The following SNAPC3 variants were observed in gnomAD, a reference collection of about 807,000 sequenced individuals.
SNAPC3 encodes snRNA-activating protein complex subunit 3.
Under a neutral mutation model 47.7 loss-of-function variants are expected in SNAPC3, and 56 were observed. The observed-to-expected ratio is 1.18, with a 90% confidence interval of 0.95 to 1.47. The LOEUF is 1.47. Ranked by LOEUF, SNAPC3 falls within the 40% of genes most tolerant of loss-of-function variation. The probability of loss-of-function intolerance (pLI) is 0.00; values close to 1 mark genes in which losing one functional copy is unlikely to be tolerated. For synonymous variants in SNAPC3, 235 were observed against 189.9 expected, an observed-to-expected ratio of 1.24 and a Z score of -1.95; for missense variants, 665 against 511.3, an observed-to-expected ratio of 1.30 and a Z score of -2.90.
rs756332338 is a variant in SNAPC3, at chr9:15,422,893, G to C, written c.14G>C (p.Ser5Thr). 4.6e-6 allele frequency: 7 copies of C among 1,535,252 alleles called. No homozygotes were observed. Among genetic ancestry groups the C allele is most frequent in the African/African-American group, 1.4e-5 (1 of 71,258 alleles). The change falls in exon 1 of 9, where the codon AGC (serine) becomes ACC (threonine). Residue 5 changes from serine (S) to threonine (T), a missense_variant. Transcript: ENST00000380821. Reference protein sequence around the residue: MAEGSRGGPTCSGVG... With the variant: MAEGTRGGPTCSGVG... ...AGTGGGGCGAACATGGCTGAAGGAA[G>C]CCGAGGTGGCCCTACGTGTAGCGGG...
At chr9:15,427,739 C>T (rs2031610514) in intron 2 of SNAPC3, among the ~76,000 whole-genome samples, 1 of 152,128 alleles carries the variant, frequency 6.6e-6, no homozygotes, top group Non-Finnish European at 1.5e-5. Flanking sequence ...GTTTACAGGT[C>T]CAGGATGTAC....
intron 7 of SNAPC3, among the ~76,000 whole-genome samples, chr9:15,455,808 C>T (rs2034740728): frequency 6.6e-6 from 1 of 151,318 alleles, no homozygotes; most frequent in African/African-American, 2.4e-5. Context: ...AAGCAATTCT[C>T]ATGCCTTAGC....
Position 15,426,915 on chromosome 9 carries a change from G to A in SNAPC3, c.392+2929G>A, listed in dbSNP as rs372707797. Among the ~76,000 whole-genome samples, 6 of 151,964 alleles carry A rather than the reference G, an allele frequency of 3.9e-5. No homozygotes were observed. The East Asian group carries it at 9.6e-4, about 24-fold the overall frequency. On this transcript the variant is annotated intron_variant, in intron 2 of 8. Coordinates refer to ENST00000380821, the MANE Select transcript of SNAPC3 (RefSeq NM_001039697.2). ...TACATGACCATTGTTAACCTTAATG[G>A]TCCTGCCAAAAAAAAATTAGACTTG...
At chr9:15,443,651 C>T (rs1228214107) in intron 3 of SNAPC3, among the ~76,000 whole-genome samples, 7 of 152,146 alleles carry the variant, frequency 4.6e-5, no homozygotes, top group Non-Finnish European at 8.8e-5. Flanking sequence ...CTGCTGCCAC[C>T]AAGAGGGTCA....
intron 3 of SNAPC3, among the ~76,000 whole-genome samples, chr9:15,441,127 A>C (rs1319606370): frequency 6.6e-6 from 1 of 151,060 alleles, no homozygotes; most frequent in Non-Finnish European, 1.5e-5. Flanking sequence ...GTTGATACAT[A>C]ATGATTGTAC....
chr9:15,452,897 C>T lies in SNAPC3; in HGVS notation c.816-144C>T, dbSNP rs550436449. ...GTTCCTAATCTCAACATGTGTCAAA[C>T]ATTTTGGTCTTCATCTCAAGATGGC... On this transcript the variant is annotated intron_variant, in intron 6 of 8. Coordinates refer to ENST00000380821, the MANE Select transcript of SNAPC3 (RefSeq NM_001039697.2). 5 of 591,550 alleles carry T rather than the reference C, an allele frequency of 8.5e-6. No homozygotes were observed. In the South Asian group the frequency reaches 1.5e-4, roughly 18 times the overall value. 36.6% of individuals were successfully genotyped at this position (591,550 alleles called of 1,614,324 possible).
intron 3 of SNAPC3, among the ~76,000 whole-genome samples, chr9:15,438,051 ACT>A (rs2032992642): frequency 6.6e-6 from 1 of 151,852 alleles, no homozygotes. Flanking sequence ...AGTTTGAGAA[ACT>A]CTGGTATTAA....
In SNAPC3 at chr9:15,422,903, C is replaced by T. The variant is rs1563835403; in HGVS notation, c.24C>T (p.Gly8=). 3 of 1,534,356 alleles carry T rather than the reference C, an allele frequency of 2.0e-6. No individual in the cohort carries two copies. The highest frequency in any genetic ancestry group is 2.8e-5 in the African/African-American group (2 of 71,314). The change falls in exon 1 of 9, where the codon GGC becomes GGT. Residue 8 remains glycine, a synonymous_variant. Coordinates refer to ENST00000380821, the MANE Select transcript of SNAPC3 (RefSeq NM_001039697.2). ...ACATGGCTGAAGGAAGCCGAGGTGG[C>T]CCTACGTGTAGCGGGGTGGGTGGCA... The part of the protein sequence containing the change: MAEGSRG[G]PTCSGVGGRQ...
chr9:15,441,316 C>T (rs2033337134), intron 3 of SNAPC3, among the ~76,000 whole-genome samples: 2 of 148,010 alleles, frequency 1.4e-5, no homozygotes, highest in African/African-American at 2.5e-5. Context: ...GAGAGACCTC[C>T]GTATTGTTTT....
chr9:15,453,977 G>T (rs901234384), intron 7 of SNAPC3, among the ~76,000 whole-genome samples: 16 of 152,082 alleles, frequency 1.1e-4, no homozygotes, highest in African/African-American at 3.9e-4. Flanking sequence ...AGTGGCTCAC[G>T]CCTATAATCC....
intron 3 of SNAPC3, among the ~76,000 whole-genome samples, chr9:15,440,714 C>T (rs2033253212): frequency 6.6e-6 from 1 of 152,098 alleles, no homozygotes; most frequent in African/African-American, 2.4e-5. Context: ...CTTTGGGAGG[C>T]CGAGGCGGGC....
intron 5 of SNAPC3, 134 bp downstream of exon 5, chr9:15,447,378 T>G: frequency 1.1e-5 from 8 of 738,150 alleles, no homozygotes; most frequent in Non-Finnish European, 1.6e-5. Context: ...CACTATCTCA[T>G]TCCTTCCCTT....
In SNAPC3 at chr9:15,459,951, G is replaced by A. The variant is rs1351691948; in HGVS notation, c.*85G>A. ...CTTATTTCTAAGAAACGCCACTGAG[G>A]AACAGGATCCACTTTGAACAGTCCG... On this transcript the variant is annotated 3_prime_UTR_variant, in exon 9 of 9. Coordinates refer to ENST00000380821, the MANE Select transcript of SNAPC3 (RefSeq NM_001039697.2). 3.2e-6 allele frequency: 4 copies of A among 1,266,924 alleles called. No homozygotes were observed. The highest frequency in any genetic ancestry group is 2.2e-5 in the Admixed American group (1 of 45,894). The allele number at this position is 1,266,924 out of a possible 1,614,324, so 78.5% of individuals were successfully genotyped here.
chr9:15,444,323 G>A (rs1295268689), intron 3 of SNAPC3, among the ~76,000 whole-genome samples: 1 of 152,194 alleles, frequency 6.6e-6, no homozygotes, highest in Non-Finnish European at 1.5e-5. Context: ...TGATACTCCT[G>A]TTTGCTCATC....
rs573585506 is a variant in SNAPC3, at chr9:15,447,271, A to G, written c.732+27A>G. 14 of 1,608,108 alleles carry G rather than the reference A, an allele frequency of 8.7e-6. No individual in the cohort carries two copies. In the East Asian group the frequency reaches 3.1e-4, roughly 36 times the overall value. On this transcript the variant is annotated intron_variant, in intron 5 of 8. Coordinates refer to ENST00000380821, the MANE Select transcript of SNAPC3 (RefSeq NM_001039697.2). ...TAAGGTGATTTCCTCCCATAAAACA[A>G]AAGGAAATAACAAGCTAAGAAAATA...
At chr9:15,440,277 T>C (rs1037820233) in intron 3 of SNAPC3, among the ~76,000 whole-genome samples, 3 of 152,250 alleles carry the variant, frequency 2.0e-5, no homozygotes, top group Admixed American at 6.5e-5. Context: ...CAGTATTCTT[T>C]ATTTCTTCTT....
chr9:15,426,219 G>T (rs116592149), intron 2 of SNAPC3, among the ~76,000 whole-genome samples: 1 of 152,160 alleles, frequency 6.6e-6, no homozygotes, highest in East Asian at 1.9e-4. Context: ...CTGTGTTTCA[G>T]TTCCTCGAAT....
At chr9:15,442,953 G>A (rs1002571822) in intron 3 of SNAPC3, among the ~76,000 whole-genome samples, 1 of 152,210 alleles carries the variant, frequency 6.6e-6, no homozygotes, top group Non-Finnish European at 1.5e-5. Flanking sequence ...CAGATCACTC[G>A]CAGTTAGGAG....
chr9:15,432,761 A>G (rs1246673156), intron 2 of SNAPC3, among the ~76,000 whole-genome samples: 2 of 152,370 alleles, frequency 1.3e-5, no homozygotes, highest in Admixed American at 6.5e-5. Context: ...AGAAGATCCA[A>G]TGAATAAATG....
Sources: gnomAD v4.1 joint callset for allele counts (sites outside exome capture counted in the v4.1 genomes callset) on GRCh38, gnomAD v4.1.1 for gene constraint, MANE v1.5 for transcripts, NCBI Gene and HGNC (gene_info 2026-07-23, HGNC 2026-07-21) for gene names.